MASTL: variants seen among roughly 807,000 people sequenced by gnomAD.
The protein encoded by MASTL is microtubule associated serine/threonine kinase like, also known as serine/threonine-protein kinase greatwall.
In MASTL, 54 loss-of-function variants were observed where a neutral mutation model predicts 82.5. The ratio of observed to expected loss-of-function variants is 0.65; its 90% CI spans 0.53 to 0.82. The LOEUF (loss-of-function observed/expected upper bound fraction) is 0.82, where lower values mean the gene tolerates loss of function less well. MASTL is among the 40% of genes least tolerant of loss of function. MASTL has a pLI of 0.00. For synonymous variants in MASTL, 323 were observed against 368.9 expected (o/e 0.88, Z 1.43); for missense variants, 950 against 1,047.8 (o/e 0.91, Z 1.29).
chr10:27,157,740 A>G (rs981186137), intron 1 of MASTL, among the ~76,000 whole-genome samples: 9 of 152,126 alleles, frequency 5.9e-5, no homozygotes, highest in African/African-American at 9.7e-5. Flanking sequence ...AGTTTTCTGT[A>G]AGACAGCATT....
Position 27,155,626 on chromosome 10 carries a change from G to C in MASTL, c.186+14G>C, listed in dbSNP as rs371577106. ...TATGCAGTAAAGGTAGGAAGTCAAC[G>C]AGTAGCAAGGAAGGGGTTAGGCCCT... On this transcript the variant is annotated intron_variant, in intron 1 of 11. Coordinates refer to ENST00000375940, the MANE Select transcript of MASTL (RefSeq NM_001172303.3). 1.3e-4 allele frequency: 212 copies of C among 1,613,832 alleles called. No individual in the cohort carries two copies. The highest frequency in any genetic ancestry group is 1.7e-4 in the Non-Finnish European group (196 of 1,179,878).
chr10:27,184,787 C>T (rs1379991151), intron 11 of MASTL, among the ~76,000 whole-genome samples: 1 of 151,998 alleles, frequency 6.6e-6, no homozygotes, highest in Non-Finnish European at 1.5e-5. Context: ...TCTCGAACTC[C>T]TGACCTCAAG....
chr10:27,178,748 A>G (rs1239046416), intron 9 of MASTL, among the ~76,000 whole-genome samples: 1 of 151,980 alleles, frequency 6.6e-6, no homozygotes, highest in Non-Finnish European at 1.5e-5. Context: ...TAAGTAAAAT[A>G]AGGAAATTTT....
chr10:27,173,291 G>A, intron 9 of MASTL, 32 bp downstream of exon 9: 2 of 1,613,252 alleles, frequency 1.2e-6, no homozygotes, highest in Non-Finnish European at 1.7e-6. Context: ...TTTTTGAAGT[G>A]TTATCTATCA....
Position 27,155,499 on chromosome 10 carries a change from G to A in MASTL, c.73G>A (p.Ala25Thr), listed in dbSNP as rs370826877. ...AATEEGVNRIAVPKPPSIEEF... is the reference protein window; with the variant it reads ...AATEEGVNRITVPKPPSIEEF... Reference sequence around the variant, plus strand: ...GACTGAGGAGGGCGTGAATAGGATCGCAGTGCCAAAACCGCCCTCCATTGA... The same window carrying A: ...GACTGAGGAGGGCGTGAATAGGATCACAGTGCCAAAACCGCCCTCCATTGA... Residue 25 changes from alanine (A) to threonine (T), a missense_variant, in exon 1 of 12, where the codon GCA (alanine) becomes ACA (threonine). Ala to Thr is a moderately conservative substitution (Grantham distance 58). Coordinates refer to ENST00000375940, the MANE Select transcript of MASTL (RefSeq NM_001172303.3). The A allele has an allele frequency of 2.5e-6, 4 of 1,614,066 alleles. No individual in the cohort carries two copies. The African/African-American group carries it at 5.3e-5, about 22-fold the overall frequency.
At chr10:27,184,759 C>T (rs2058565952) in intron 11 of MASTL, among the ~76,000 whole-genome samples, 1 of 151,814 alleles carries the variant, frequency 6.6e-6, no homozygotes, top group African/African-American at 2.4e-5. Flanking sequence ...CGGGGTTTCA[C>T]CATGTTGGCC....
chr10:27,158,801 C>CA (rs2057476556), intron 2 of MASTL, 115 bp downstream of exon 2: 20 of 1,165,168 alleles, frequency 1.7e-5, no homozygotes, highest in Non-Finnish European at 2.4e-5. Flanking sequence ...TGGCTGCACT[C>CA]ACTGCCTTGG....
Position 27,155,369 on chromosome 10 carries a change from C to A in MASTL, c.-58C>A. 3 of 1,513,406 alleles carry A rather than the reference C, an allele frequency of 2.0e-6. No homozygotes were observed. The highest frequency in any genetic ancestry group is 2.7e-6 in the Non-Finnish European group (3 of 1,121,298). The allele number at this position is 1,513,406 out of a possible 1,614,324, so 93.7% of individuals were successfully genotyped here. A position where few individuals can be genotyped will look rare whatever the true frequency, so the allele number is the denominator to read the frequency against. On this transcript the variant is annotated 5_prime_UTR_variant, in exon 1 of 12. Coordinates refer to ENST00000375940, the MANE Select transcript of MASTL (RefSeq NM_001172303.3). Reference sequence around the variant, plus strand: ...GGAGCCTCACTTTGAACCCAGTTGGCGGGAGTGGCTGCTCGCGGAGGGGCA... The same window carrying A: ...GGAGCCTCACTTTGAACCCAGTTGGAGGGAGTGGCTGCTCGCGGAGGGGCA...
At chr10:27,160,119 C>T (rs1026032062) in intron 3 of MASTL, among the ~76,000 whole-genome samples, 1 of 149,472 alleles carries the variant, frequency 6.7e-6, no homozygotes, top group African/African-American at 2.5e-5. Context: ...CCTTAGCCTC[C>T]CAAGTGTCTG....
intron 7 of MASTL, among the ~76,000 whole-genome samples, chr10:27,167,721 T>G (rs1210288378): frequency 6.6e-6 from 1 of 152,266 alleles, no homozygotes; most frequent in African/African-American, 2.4e-5. Flanking sequence ...CAGAAATAAC[T>G]TTTAGACCGG....
Position 27,170,790 on chromosome 10 carries a change from A to G in MASTL, c.1831A>G (p.Thr611Ala). 6.2e-7 allele frequency: 1 copy of G among 1,614,158 alleles called. No individual in the cohort carries two copies. The highest frequency in any genetic ancestry group is 1.1e-5 in the South Asian group (1 of 91,086). The change falls in exon 8 of 12, where the codon ACA becomes GCA. Residue 611 changes from threonine (T) to alanine (A), a missense_variant. Coordinates refer to ENST00000375940, the MANE Select transcript of MASTL (RefSeq NM_001172303.3). ...AAATATTGAAGATCCACTTATTGTA[A>G]CACCAGATTGCCAAGAAAAGACCTC... ...ESNIEDPLIV[T>A]PDCQEKTSPK... is the part of the protein sequence containing the mutation.
intron 7 of MASTL, 128 bp from the exon 8 acceptor site, chr10:27,169,816 C>T: frequency 3.7e-6 from 3 of 809,042 alleles, no homozygotes; most frequent in South Asian, 3.4e-5. Context: ...TTATTTTTTC[C>T]ATTTGAAAGT....
intron 1 of MASTL, among the ~76,000 whole-genome samples, 195 bp downstream of exon 1, chr10:27,155,807 C>T (rs1206791542): frequency 6.6e-6 from 1 of 152,088 alleles, no homozygotes; most frequent in Non-Finnish European, 1.5e-5. Context: ...CGCCTCTGTT[C>T]CGCCCTTCCC....
chr10:27,181,260 G>C lies in MASTL; in HGVS notation c.2380+194G>C, dbSNP rs186768491. On this transcript the variant is annotated intron_variant, in intron 10 of 11. Transcript: ENST00000375940. ...CAAAAAATTAGCCAGGCATGTTGAC[G>C]GGCGCCTGTAATCCCAGCTACTCGG... Among the ~76,000 whole-genome samples, 501 of 152,132 alleles carry C rather than the reference G, an allele frequency of 3.3e-3. 2 individuals carry two copies. The highest frequency in any genetic ancestry group is 0.011 in the African/African-American group (475 of 41,524).
intron 7 of MASTL, among the ~76,000 whole-genome samples, chr10:27,169,661 C>T (rs1312799568): frequency 1.3e-5 from 2 of 151,906 alleles, no homozygotes. Flanking sequence ...AATATGTTGC[C>T]TGTTAATTTG....
intron 9 of MASTL, among the ~76,000 whole-genome samples, chr10:27,179,424 G>A (rs2058203685): frequency 1.3e-5 from 2 of 152,090 alleles, no homozygotes; most frequent in Admixed American, 6.6e-5. Flanking sequence ...GGGCATGGTG[G>A]CAGGCGCCTG....
chr10:27,158,522 A>T (rs1473147828), intron 1 of MASTL, 27 bp from the exon 2 acceptor site: 1 of 1,522,842 alleles, frequency 6.6e-7, no homozygotes, highest in Non-Finnish European at 9.1e-7. Flanking sequence ...AAATAACATG[A>T]TATCACTTTT....
intron 9 of MASTL, among the ~76,000 whole-genome samples, chr10:27,178,470 A>C (rs1418460871): frequency 6.6e-6 from 1 of 152,162 alleles, no homozygotes; most frequent in East Asian, 1.9e-4. Context: ...ATCATTAGAA[A>C]ATAAAAAAGT....
At chr10:27,180,480 C>T (rs2058238709) in intron 9 of MASTL, among the ~76,000 whole-genome samples, 1 of 152,198 alleles carries the variant, frequency 6.6e-6, no homozygotes, top group South Asian at 2.1e-4. Context: ...CAACCTCTGC[C>T]TCCCAGGTTC....
Sources: allele counts gnomAD v4.1 joint callset (sites outside exome capture counted in the v4.1 genomes callset), GRCh38; gene constraint gnomAD v4.1.1; transcripts MANE v1.5; gene names NCBI Gene and HGNC (gene_info 2026-07-23, HGNC 2026-07-21).